ATE1: variants seen among roughly 807,000 people sequenced by gnomAD.
ATE1 encodes the protein arginyl-tRNA--protein transferase 1.
A neutral mutation model predicts 70.5 loss-of-function variants in ATE1; 36 were observed. The observed-to-expected ratio is 0.51, with a 90% confidence interval of 0.39 to 0.67. ATE1 has a LOEUF of 0.67. Among genes scored for constraint, ATE1 ranks in the 30% least tolerant of loss-of-function variants. The pLI, the probability that ATE1 is intolerant of heterozygous loss-of-function variation, is 0.00. For synonymous variants in ATE1, 232 were observed against 219.3 expected (o/e 1.06, Z -0.51); for missense variants, 593 against 629.5 (o/e 0.94, Z 0.62).
At chr10:121,810,617 T>C (rs1394707876) in intron 10 of ATE1, among the ~76,000 whole-genome samples, 1 of 152,176 alleles carries the variant, frequency 6.6e-6, no homozygotes, top group African/African-American at 2.4e-5. Flanking sequence ...ATATTACATA[T>C]GACTAGTATG....
chr10:121,869,240 T>C (rs1012394103), intron 8 of ATE1, among the ~76,000 whole-genome samples: 4 of 152,206 alleles, frequency 2.6e-5, no homozygotes, highest in Non-Finnish European at 4.4e-5. Context: ...ATTTACCCAA[T>C]GTCATATAGC....
chr10:121,838,546 C>G (rs781078148), intron 9 of ATE1, among the ~76,000 whole-genome samples: 2 of 152,264 alleles, frequency 1.3e-5, no homozygotes, highest in East Asian at 3.9e-4. Context: ...CTTCCTTTGC[C>G]CCTGAAATGT....
chr10:121,833,137 C>T (rs1948308230), intron 10 of ATE1, among the ~76,000 whole-genome samples: 2 of 152,176 alleles, frequency 1.3e-5, no homozygotes, highest in Non-Finnish European at 2.9e-5. Flanking sequence ...AACTGTTACA[C>T]ATTCCTGTGT....
intron 11 of ATE1, among the ~76,000 whole-genome samples, chr10:121,745,596 G>A (rs545394775): frequency 8.5e-5 from 13 of 152,202 alleles, no homozygotes; most frequent in South Asian, 2.1e-4. Flanking sequence ...GCGTGGTGGC[G>A]GGCGCCTGTA....
chr10:121,755,338 G>A (rs1944753468), intron 11 of ATE1, among the ~76,000 whole-genome samples: 1 of 152,060 alleles, frequency 6.6e-6, no homozygotes, highest in Non-Finnish European at 1.5e-5. Flanking sequence ...GAAGGACAGT[G>A]GTGCAATATA....
chr10:121,838,029 T>C lies in ATE1; in HGVS notation c.1158-1212A>G, dbSNP rs139901344. ...CCATCAGCAGGTCTTTTGGGCTTTC[T>C]CTCTAAAATATGTCTTGAATCTGAC... is the stretch of plus-strand genomic sequence containing the variant. On this transcript the variant is annotated intron_variant, in intron 9 of 11. Transcript: ENST00000224652. 2.0e-4 allele frequency among the ~76,000 whole-genome samples: 30 copies of C among 152,222 alleles called. No individual in the cohort carries two copies. In the South Asian group the frequency reaches 2.7e-3, roughly 14 times the overall value.
chr10:121,820,371 T>C (rs886742774), intron 10 of ATE1, among the ~76,000 whole-genome samples: 3 of 152,166 alleles, frequency 2.0e-5, no homozygotes, highest in African/African-American at 7.2e-5. Context: ...AAATTGTAAA[T>C]TTCTGCATAA....
At chr10:121,798,502 T>C (rs985690864) in intron 10 of ATE1, among the ~76,000 whole-genome samples, 4 of 152,206 alleles carry the variant, frequency 2.6e-5, no homozygotes, top group African/African-American at 9.6e-5. Flanking sequence ...CTTTGGTGGG[T>C]AACAACAAAG....
At position 121,773,339 on chromosome 10, in the gene ATE1, G is replaced by A. The variant is rs150542837; in HGVS notation, c.1378+16830C>T. Among the ~76,000 whole-genome samples, 529 of 152,262 alleles carry A rather than the reference G, an allele frequency of 3.5e-3. 7 individuals carry two copies. Among genetic ancestry groups the A allele is most frequent in the African/African-American group, 0.012 (509 of 41,558 alleles). On this transcript the variant is annotated intron_variant, in intron 11 of 11. Transcript: ENST00000224652. ...AAACGCTCTTCTTGTCATTCAATAA[G>A]CAAGGTAACCAGCAACCAAGTCGAT... is the stretch of plus-strand genomic sequence containing the variant.
At chr10:121,808,816 A>G (rs1157763358) in intron 10 of ATE1, among the ~76,000 whole-genome samples, 1 of 152,226 alleles carries the variant, frequency 6.6e-6, no homozygotes, top group Non-Finnish European at 1.5e-5. Context: ...CTTTGATACT[A>G]CACCAAAATC....
At chr10:121,892,864 T>C (rs940384851) in intron 7 of ATE1, among the ~76,000 whole-genome samples, 28 of 152,186 alleles carry the variant, frequency 1.8e-4, no homozygotes, top group Middle Eastern at 3.2e-3. Context: ...AAGAACACTA[T>C]TAAGACCACT....
rs981104504 is a variant in ATE1 at position 121,876,097 on chromosome 10, C to T, written c.943-6059G>A. On this transcript the variant is annotated intron_variant, in intron 7 of 11. Coordinates refer to ENST00000224652, the MANE Select transcript of ATE1 (RefSeq NM_001001976.3). ...CAATACTATCAATGAATTATTCGCC[C>T]TTTTTTTCCCCCATTTAAGAGTTCT... 4.6e-5 allele frequency among the ~76,000 whole-genome samples: 7 copies of T among 152,184 alleles called. No individual in the cohort carries two copies. In the South Asian group the frequency reaches 8.3e-4, roughly 18 times the overall value.
At chr10:121,885,292 G>T (rs1250949518) in intron 7 of ATE1, among the ~76,000 whole-genome samples, 1 of 142,162 alleles carries the variant, frequency 7.0e-6, no homozygotes, top group African/African-American at 2.6e-5. Context: ...AAAAGAGGCC[G>T]GGCGCGGTGG....
At chr10:121,899,814 A>C in intron 7 of ATE1, 52 bp downstream of exon 7, 1 of 1,575,018 alleles carries the variant, frequency 6.3e-7, no homozygotes, top group Non-Finnish European at 8.6e-7. Context: ...AATGATATTA[A>C]GTGGAAGGGA....
At chr10:121,891,589 T>C (rs1248425507) in intron 7 of ATE1, among the ~76,000 whole-genome samples, 1 of 152,230 alleles carries the variant, frequency 6.6e-6, no homozygotes, top group Non-Finnish European at 1.5e-5. Context: ...CCTTTCTAGC[T>C]GCCTAAAAAT....
chr10:121,920,710 C>G (rs1218705080), intron 3 of ATE1, among the ~76,000 whole-genome samples: 1 of 151,998 alleles, frequency 6.6e-6, no homozygotes, highest in African/African-American at 2.4e-5. Flanking sequence ...AAACTGGACT[C>G]TGGGCCAGGT....
chr10:121,845,575 G>C (rs1390059794), intron 8 of ATE1, among the ~76,000 whole-genome samples: 2 of 152,114 alleles, frequency 1.3e-5, no homozygotes, highest in South Asian at 2.1e-4. Flanking sequence ...TAAGAATGAA[G>C]GTAACAGGAA....
intron 7 of ATE1, among the ~76,000 whole-genome samples, chr10:121,883,657 T>G (rs768358614): frequency 1.6e-4 from 24 of 152,200 alleles, no homozygotes; most frequent in Non-Finnish European, 2.9e-4. Flanking sequence ...TCATTTTAAA[T>G]TATTAGAGTA....
intron 11 of ATE1, among the ~76,000 whole-genome samples, chr10:121,752,831 GTTCCT>G (rs1407035316): frequency 6.6e-6 from 1 of 152,136 alleles, no homozygotes. Context: ...GCTATCCTGG[GTTCCT>G]TTCATTTCCA....
Sources: allele counts gnomAD v4.1 joint callset (sites outside exome capture counted in the v4.1 genomes callset), GRCh38; gene constraint gnomAD v4.1.1; transcripts MANE v1.5; gene names NCBI Gene and HGNC (gene_info 2026-07-23, HGNC 2026-07-21).